Variants in ANTXR2 observed in about 807,000 individuals in gnomAD.
The protein encoded by ANTXR2 is anthrax toxin receptor 2.
In ANTXR2, 44 loss-of-function variants were observed where a neutral mutation model predicts 73.7. That is an observed-to-expected ratio of 0.60 (90% CI 0.47 to 0.77). The LOEUF (loss-of-function observed/expected upper bound fraction) is 0.77, where lower values mean the gene tolerates loss of function less well. Ranked by LOEUF, ANTXR2 falls within the 30% of genes least tolerant of loss-of-function variation. The pLI, the probability that ANTXR2 is intolerant of heterozygous loss-of-function variation, is 0.00. For missense variants in ANTXR2, 604 were observed against 592.5 expected, an observed-to-expected ratio of 1.02 and a Z score of -0.20; for synonymous variants, 217 against 205.9, an observed-to-expected ratio of 1.05 and a Z score of -0.46.
chr4:80,046,688 A>G (rs1167578795), intron 7 of ANTXR2, among the ~76,000 whole-genome samples: 2 of 151,766 alleles, frequency 1.3e-5, no homozygotes, highest in Non-Finnish European at 2.9e-5. Flanking sequence ...TCCCTATGCA[A>G]CAATAATAGA....
chr4:79,977,402 A>G (rs1729680822), intron 16 of ANTXR2: 1 of 938,182 alleles, frequency 1.1e-6, no homozygotes, highest in Non-Finnish European at 1.5e-6. Context: ...AATTGTAAAG[A>G]ATTTCTTGAA....
intron 16 of ANTXR2, among the ~76,000 whole-genome samples, chr4:79,950,612 G>T (rs1578105543): frequency 6.6e-6 from 1 of 151,980 alleles, no homozygotes; most frequent in Non-Finnish European, 1.5e-5. Context: ...AGACGTCAAG[G>T]TGCTATTTCA....
intron 10 of ANTXR2, among the ~76,000 whole-genome samples, chr4:80,023,812 A>G (rs1429830213): frequency 6.6e-6 from 1 of 152,238 alleles, no homozygotes; most frequent in African/African-American, 2.4e-5. Flanking sequence ...AAAGAGGGTG[A>G]GAGTAAGAAT....
chr4:80,062,687 T>C (rs1413103678), intron 3 of ANTXR2, among the ~76,000 whole-genome samples: 1 of 152,202 alleles, frequency 6.6e-6, no homozygotes, highest in Non-Finnish European at 1.5e-5. Context: ...AGAATAAATT[T>C]AGGGAATGAC....
intron 2 of ANTXR2, among the ~76,000 whole-genome samples, chr4:80,070,607 G>GAC (rs1734743457): frequency 6.6e-6 from 1 of 152,210 alleles, no homozygotes; most frequent in Non-Finnish European, 1.5e-5. Context: ...AGGGACTGAT[G>GAC]ATTGAACATG....
rs138951449 is a variant in ANTXR2, at chr4:79,922,961, AATATTTT to A, written c.1429-15501_1429-15495del. 5.4e-3 allele frequency among the ~76,000 whole-genome samples: 816 copies of A among 152,214 alleles called. 6 individuals carry two copies. Among genetic ancestry groups the A allele is most frequent in the African/African-American group, 0.019 (790 of 41,542 alleles). On this transcript the variant is annotated intron_variant, in intron 16 of 16. Coordinates refer to ENST00000403729, the MANE Select transcript of ANTXR2 (RefSeq NM_058172.6). ...AAGTTGATTCAGTGTTTACACTTCT[AATATTTT>A]TTAGCAAACAAATCTAATTTGTTTA...
intron 9 of ANTXR2, among the ~76,000 whole-genome samples, chr4:80,032,901 G>A (rs1391189100): frequency 6.6e-6 from 1 of 151,442 alleles, no homozygotes; most frequent in Non-Finnish European, 1.5e-5. Context: ...CCAAAACTAT[G>A]CTGGGTGAGA....
intron 12 of ANTXR2, among the ~76,000 whole-genome samples, chr4:79,997,546 CCTT>C (rs1730787458): frequency 6.6e-6 from 1 of 151,984 alleles, no homozygotes; most frequent in African/African-American, 2.4e-5. Context: ...CTTGTGAAGT[CCTT>C]CTTTTCTGAA....
rs1005417071 is a variant in ANTXR2, at chr4:80,015,012, C to T, written c.945+3886G>A. The stretch of plus-strand genomic sequence containing the variant: ...TTTTCCTGTTTAATTTTGTCCAGTG[C>T]ATTTTTGTCTTTGACTCTATGTATT... On this transcript the variant is annotated intron_variant, in intron 11 of 16. Coordinates refer to ENST00000403729, the MANE Select transcript of ANTXR2 (RefSeq NM_058172.6). Among the ~76,000 whole-genome samples, 7 of 152,132 alleles carry T rather than the reference C, an allele frequency of 4.6e-5. No individual in the cohort carries two copies. The East Asian group carries it at 7.7e-4, about 17-fold the overall frequency.
intron 11 of ANTXR2, 111 bp downstream of exon 11, chr4:80,018,787 G>T: frequency 1.1e-6 from 1 of 913,068 alleles, no homozygotes; most frequent in Non-Finnish European, 1.6e-6. Flanking sequence ...GGTCTCCAAT[G>T]TTATTGTTTG....
intron 12 of ANTXR2, among the ~76,000 whole-genome samples, chr4:80,005,519 AAAT>A (rs1433006622): frequency 6.6e-6 from 1 of 152,144 alleles, no homozygotes; most frequent in Non-Finnish European, 1.5e-5. Flanking sequence ...AAAAGAAACA[AAAT>A]AAGATAAACA....
intron 16 of ANTXR2, among the ~76,000 whole-genome samples, chr4:79,943,725 T>TA (rs1219900296): frequency 7.4e-4 from 104 of 140,278 alleles, no homozygotes; most frequent in African/African-American, 2.7e-3. Flanking sequence ...CCCTAAAACT[T>TA]AGAGTATAAT....
chr4:80,003,084 T>A (rs1344689800), intron 12 of ANTXR2, among the ~76,000 whole-genome samples: 1 of 151,734 alleles, frequency 6.6e-6, no homozygotes, highest in Admixed American at 6.6e-5. Context: ...GGACTATAAA[T>A]CAGGCTGCTA....
chr4:79,987,441 TA>T (rs775795010), intron 12 of ANTXR2, among the ~76,000 whole-genome samples: 1 of 152,198 alleles, frequency 6.6e-6, no homozygotes, highest in East Asian at 1.9e-4. Flanking sequence ...TAAGAATTTT[TA>T]AAAATGAAAA....
rs1578204120 is a variant in ANTXR2 at position 80,073,209 on chromosome 4, G to C, written c.-649C>G. ...CACGCCGAGGGCAGGAGCCCGCTCG[G>C]GCCGGGTCTGGGCTGCGTGTGTCAG... On this transcript the variant is annotated 5_prime_UTR_variant, in exon 1 of 17. Coordinates refer to ENST00000403729, the MANE Select transcript of ANTXR2 (RefSeq NM_058172.6). 1 of 152,856 alleles carries C rather than the reference G, an allele frequency of 6.5e-6. No homozygotes were observed. The highest frequency in any genetic ancestry group is 2.1e-4 in the South Asian group (1 of 4,850). The allele number at this position is 152,856 out of a possible 1,614,324, so 9.5% of individuals were successfully genotyped here. A position where few individuals can be genotyped will look rare whatever the true frequency, so the allele number is the denominator to read the frequency against.
intron 7 of ANTXR2, among the ~76,000 whole-genome samples, chr4:80,048,433 T>G (rs1241220237): frequency 1.3e-5 from 2 of 151,732 alleles, no homozygotes; most frequent in Non-Finnish European, 3.0e-5. Context: ...TCTTACATTA[T>G]AGCCAGTCCT....
At chr4:79,977,355 T>C (rs1578124168) in intron 16 of ANTXR2, among the ~76,000 whole-genome samples, 2 of 152,226 alleles carry the variant, frequency 1.3e-5, no homozygotes, top group African/African-American at 4.8e-5. Flanking sequence ...GCTGATGCAA[T>C]GATTGTGCTT....
rs1002368307 is a variant in ANTXR2, at chr4:79,901,370, A to G, written c.*6059T>C. On this transcript the variant is annotated 3_prime_UTR_variant, in exon 17 of 17. Transcript: ENST00000403729. Reference sequence around the variant, plus strand: ...AGATTTGCTTCTAATTTGGCACATGATGTAACAATTTCCTTTCTCTATCAT... The same window carrying G: ...AGATTTGCTTCTAATTTGGCACATGGTGTAACAATTTCCTTTCTCTATCAT... 3 of 152,052 alleles carry G rather than the reference A, an allele frequency of 2.0e-5. No homozygotes were observed. The highest frequency in any genetic ancestry group is 4.4e-5 in the Non-Finnish European group (3 of 67,998). 9.4% of individuals were successfully genotyped at this position (152,052 alleles called of 1,614,324 possible). A position where few individuals can be genotyped will look rare whatever the true frequency, so the allele number is the denominator to read the frequency against.
chr4:80,011,083 G>C (rs945399996), intron 11 of ANTXR2, among the ~76,000 whole-genome samples: 3 of 151,898 alleles, frequency 2.0e-5, no homozygotes, highest in African/African-American at 4.8e-5. Flanking sequence ...GGAGGCGGAG[G>C]TTGCAGTGAG....
Sources: allele counts gnomAD v4.1 joint callset (sites outside exome capture counted in the v4.1 genomes callset), GRCh38; gene constraint gnomAD v4.1.1; transcripts MANE v1.5; gene names NCBI Gene and HGNC (gene_info 2026-07-23, HGNC 2026-07-21).